The following PCDHA8 variants were observed in gnomAD, a reference collection of about 807,000 sequenced individuals.
PCDHA8 encodes protocadherin alpha-8.
In PCDHA8, 53 loss-of-function variants were observed where a neutral mutation model predicts 61.8. That is an observed-to-expected ratio of 0.86 (90% confidence interval 0.69 to 1.08). The LOEUF (loss-of-function observed/expected upper bound fraction) is 1.08, where lower values mean the gene tolerates loss of function less well. Ranked by LOEUF, PCDHA8 falls within the 50% of genes least tolerant of loss-of-function variation. The pLI is 0.00. For missense variants in PCDHA8, 1,293 were observed against 1,245.0 expected (o/e 1.04, Z -0.58); for synonymous variants, 618 against 556.6 (o/e 1.11, Z -1.55).
chr5:140,858,839 C>G (rs1306924023), intron 1 of PCDHA8: 1 of 317,040 alleles, frequency 3.2e-6, no homozygotes, highest in Non-Finnish European at 5.9e-6. Context: ...CCAAAAAATT[C>G]CACTGATCTA....
intron 1 of PCDHA8, chr5:140,871,241 C>T (rs782602807): frequency 2.5e-6 from 4 of 1,613,972 alleles, no homozygotes; most frequent in Admixed American, 1.7e-5. Flanking sequence ...CTGGTACTCA[C>T]GCTGCTGCTG....
rs140660802 is a variant in PCDHA8 at position 140,849,759 on chromosome 5, G to C, written c.2394+6044G>C. 47 of 1,598,444 alleles carry C rather than the reference G, an allele frequency of 2.9e-5. 6 individuals are homozygous for C. Among genetic ancestry groups the C allele is most frequent in the Non-Finnish European group, 4.0e-5 (47 of 1,167,970 alleles). ...GGACCGCGAGAGTGTGTCCGCCTAC[G>C]AGCTGGTGGTTACCGCGCGGGACGG... On this transcript the variant is annotated intron_variant, in intron 1 of 3. Coordinates refer to ENST00000531613, the MANE Select transcript of PCDHA8 (RefSeq NM_018911.3).
intron 1 of PCDHA8, chr5:140,926,761 T>G: frequency 7.6e-7 from 1 of 1,323,628 alleles, no homozygotes; most frequent in East Asian, 2.8e-5. Context: ...TCGCTGAGTA[T>G]CCAGCCCGCA....
At chr5:140,891,499 C>T (rs896936552) in intron 1 of PCDHA8, among the ~76,000 whole-genome samples, 1 of 151,838 alleles carries the variant, frequency 6.6e-6, no homozygotes, top group South Asian at 2.1e-4. Flanking sequence ...ATATCCTCAG[C>T]TATAATGTTC....
chr5:140,850,279 G>C (rs140634296), intron 1 of PCDHA8: 2 of 1,595,566 alleles, frequency 1.3e-6, no homozygotes, highest in African/African-American at 1.3e-5. Context: ...GGGAAGGTGC[G>C]CGCAGTGGAC....
At chr5:140,889,156 G>T in intron 1 of PCDHA8, among the ~76,000 whole-genome samples, 1 of 150,034 alleles carries the variant, frequency 6.7e-6, no homozygotes, top group Admixed American at 6.6e-5. Flanking sequence ...TTTCTTCTTT[G>T]TTAAGTATTC....
intron 1 of PCDHA8, among the ~76,000 whole-genome samples, chr5:140,889,720 T>G (rs1259294888): frequency 2.6e-5 from 4 of 152,240 alleles, no homozygotes; most frequent in African/African-American, 9.6e-5. Context: ...TCTTTGCTAC[T>G]GTCTCACTGA....
intron 1 of PCDHA8, among the ~76,000 whole-genome samples, chr5:140,890,661 A>G (rs1384784805): frequency 6.6e-6 from 1 of 152,198 alleles, no homozygotes; most frequent in Non-Finnish European, 1.5e-5. Flanking sequence ...TCAAAAGTTA[A>G]CTGAAACCCT....
Position 140,883,457 on chromosome 5 carries a change from C to T in PCDHA8, c.2394+39742C>T, listed in dbSNP as rs142331981. Reference sequence around the variant, plus strand: ...CTTGACGCCGCATGTCCCCTTCAAGCTGGTGTCCACCTACAAGAACTACTA... The same window carrying T: ...CTTGACGCCGCATGTCCCCTTCAAGTTGGTGTCCACCTACAAGAACTACTA... On this transcript the variant is annotated intron_variant, in intron 1 of 3. Coordinates refer to ENST00000531613, the MANE Select transcript of PCDHA8 (RefSeq NM_018911.3). 3.6e-4 allele frequency: 576 copies of T among 1,614,196 alleles called. 4 individuals are homozygous for T. In the African/African-American group the frequency reaches 6.4e-3, roughly 18 times the overall value.
intron 1 of PCDHA8, among the ~76,000 whole-genome samples, chr5:140,884,903 T>C (rs1462790087): frequency 1.3e-5 from 2 of 152,268 alleles, no homozygotes; most frequent in Admixed American, 1.3e-4. Flanking sequence ...GTTTCTGTTG[T>C]ATTCTTAATA....
At chr5:140,917,330 AG>A (rs1425400137) in intron 1 of PCDHA8, among the ~76,000 whole-genome samples, 1,705 of 103,254 alleles carry the variant, frequency 0.017, 125 homozygotes, top group African/African-American at 0.055. Context: ...GTGGCGGGGG[AG>A]GGGGGGGATG....
intron 1 of PCDHA8, among the ~76,000 whole-genome samples, chr5:140,950,995 C>T (rs1554219713): frequency 6.6e-6 from 1 of 151,856 alleles, no homozygotes; most frequent in Non-Finnish European, 1.5e-5. Flanking sequence ...TCTTTTAGCT[C>T]CATTTTTCCC....
intron 1 of PCDHA8, among the ~76,000 whole-genome samples, chr5:140,972,862 T>C (rs781936892): frequency 2.0e-5 from 3 of 151,966 alleles, no homozygotes; most frequent in Non-Finnish European, 4.4e-5. Context: ...TGGGGTTTCA[T>C]CATGTTGTCC....
intron 1 of PCDHA8, among the ~76,000 whole-genome samples, chr5:140,931,598 A>G (rs2087630191): frequency 6.6e-6 from 1 of 152,200 alleles, no homozygotes; most frequent in African/African-American, 2.4e-5. Context: ...GTCTTTTTCC[A>G]TCATTGTTGA....
intron 1 of PCDHA8, chr5:140,876,170 T>C (rs781910243): frequency 6.2e-7 from 1 of 1,613,982 alleles, no homozygotes; most frequent in African/African-American, 1.3e-5. Context: ...ATAACCGTCC[T>C]GGATGTGAAT....
At chr5:140,848,367 G>C in intron 1 of PCDHA8, 3 of 1,100,452 alleles carry the variant, frequency 2.7e-6, no homozygotes, top group Non-Finnish European at 4.0e-6. Context: ...TGGGAAAGAG[G>C]CTCAATTCTT....
intron 1 of PCDHA8, among the ~76,000 whole-genome samples, chr5:140,974,994 A>G (rs901871984): frequency 6.6e-6 from 1 of 152,126 alleles, no homozygotes; most frequent in South Asian, 2.1e-4. Context: ...AGGTATTCTC[A>G]AGGCTGAAAT....
intron 1 of PCDHA8, among the ~76,000 whole-genome samples, chr5:140,894,455 T>C (rs1316862860): frequency 6.6e-6 from 1 of 152,000 alleles, no homozygotes; most frequent in Non-Finnish European, 1.5e-5. Flanking sequence ...TTAAAAAATA[T>C]TTTACTTTTT....
intron 1 of PCDHA8, chr5:140,966,810 G>A (rs1290992432): frequency 3.9e-6 from 6 of 1,548,566 alleles, no homozygotes; most frequent in African/African-American, 1.4e-5. Context: ...GAGCATCCAC[G>A]GCTCCGGCGG....
Sources: gnomAD v4.1 joint callset for allele counts (sites outside exome capture counted in the v4.1 genomes callset) on GRCh38, gnomAD v4.1.1 for gene constraint, MANE v1.5 for transcripts, NCBI Gene and HGNC (gene_info 2026-07-23, HGNC 2026-07-21) for gene names.